Variants in SLC17A9 observed in about 807,000 individuals in gnomAD.
The protein encoded by SLC17A9 is voltage-gated purine nucleotide uniporter SLC17A9.
In SLC17A9, 49 loss-of-function variants were observed where a neutral mutation model predicts 55.0. The ratio of observed to expected loss-of-function variants is 0.89; its 90% CI spans 0.71 to 1.13. The LOEUF is 1.13. Among genes scored for constraint, SLC17A9 ranks in the 50% most tolerant of loss-of-function variants. SLC17A9 has a pLI of 0.00. For synonymous variants in SLC17A9, 256 were observed against 247.4 expected (o/e 1.03, Z -0.32); for missense variants, 526 against 569.3 (o/e 0.92, Z 0.77).
At chr20:62,960,653 C>A (rs1268888242) in intron 4 of SLC17A9, 50 bp downstream of exon 4, 4 of 1,547,406 alleles carry the variant, frequency 2.6e-6, no homozygotes, top group Admixed American at 1.9e-5. Flanking sequence ...AGGTGAGCCC[C>A]TTGCCGAGTG....
In SLC17A9 at chr20:62,958,575, C is replaced by G. The variant is rs999058152; in HGVS notation, c.397+995C>G. On this transcript the variant is annotated intron_variant, in intron 3 of 12. Transcript: ENST00000370351. This position sits in a 1 kb window ranked among gnomAD's most constrained non-coding sequence, Gnocchi z 4.1. ...TTCCCTGCCTGGGCCACTCCTCCCC[C>G]AGTGTCCTGGGCCATCCAGACCCCC... 7.9e-5 allele frequency among the ~76,000 whole-genome samples: 12 copies of G among 152,086 alleles called. No individual in the cohort carries two copies. Among genetic ancestry groups the G allele is most frequent in the Non-Finnish European group, 1.5e-4 (10 of 67,984 alleles).
chr20:62,963,042 G>A lies in SLC17A9; in HGVS notation c.629-231G>A, dbSNP rs919561617. ...CAGCCGAGTCTTTGGGTGGCCAGGG[G>A]GCTCTGGAGGAGGCCGTGTGGAGGG... is the stretch of plus-strand genomic sequence containing the variant. On this transcript the variant is annotated intron_variant, in intron 5 of 12. Transcript: ENST00000370351. The A allele has an allele frequency of 1.3e-5, 8 of 632,724 alleles. 1 individual carries two copies. The African/African-American group carries it at 1.3e-4, about 10-fold the overall frequency. The allele number at this position is 632,724 out of a possible 1,614,324, so 39.2% of individuals were successfully genotyped here.
At chr20:62,957,685 T>C in intron 3 of SLC17A9, 105 bp downstream of exon 3, 1 of 1,014,928 alleles carries the variant, frequency 9.9e-7, no homozygotes, top group Non-Finnish European at 1.3e-6. Context: ...ATGCAGGTGG[T>C]GTACAAGTGT....
intron 6 of SLC17A9, 29 bp from the exon 7 acceptor site, chr20:62,963,555 G>C (rs755222756): frequency 6.4e-7 from 1 of 1,571,596 alleles, no homozygotes; most frequent in Admixed American, 1.9e-5. Context: ...TGCGGCACCA[G>C]AGTCACGGTC....
At chr20:62,963,902 C>G in intron 7 of SLC17A9, 1 of 598,640 alleles carries the variant, frequency 1.7e-6, no homozygotes, top group Non-Finnish European at 3.0e-6. Flanking sequence ...CGCTCGGTGC[C>G]TTCCTGCTGC....
At position 62,956,911 on chromosome 20, in the gene SLC17A9, T is replaced by G. The variant is rs755859630; in HGVS notation, c.206T>G (p.Phe69Cys). 6.2e-6 allele frequency: 10 copies of G among 1,613,644 alleles called. No homozygotes were observed. The highest frequency in any genetic ancestry group is 7.6e-6 in the Non-Finnish European group (9 of 1,180,014). ...KKEAGIVLSSFFWGYCLTQVV... is the reference protein window; with the variant it reads ...KKEAGIVLSSCFWGYCLTQVV... ...GAGGCCGGCATCGTGCTCAGCAGCT[T>G]CTTCTGGGGCTACTGCCTGACACAG... Residue 69 changes from phenylalanine (F) to cysteine (C), a missense_variant, in exon 2 of 13, where the codon TTC becomes TGC. Phe to Cys is a radical substitution (Grantham distance 205, BLOSUM62 -2). Transcript: ENST00000370351.
intron 8 of SLC17A9, 55 bp from the exon 9 acceptor site, chr20:62,965,077 G>C (rs2065623024): frequency 1.9e-6 from 3 of 1,606,634 alleles, no homozygotes; most frequent in Non-Finnish European, 2.6e-6. Context: ...GACCCCCTCT[G>C]GGGTGTCAGC....
intron 7 of SLC17A9, 35 bp from the exon 8 acceptor site, chr20:62,964,193 C>T (rs772091572): frequency 1.2e-6 from 2 of 1,608,806 alleles, no homozygotes; most frequent in Non-Finnish European, 1.7e-6. Context: ...AGATGCCGGC[C>T]CTGGCCCCCT....
intron 1 of SLC17A9, among the ~76,000 whole-genome samples, chr20:62,955,045 C>T (rs1364127586): frequency 6.6e-6 from 1 of 152,150 alleles, no homozygotes; most frequent in Non-Finnish European, 1.5e-5. Flanking sequence ...ACTGCAACCT[C>T]GACCTCCTGG....
In SLC17A9 at chr20:62,963,271, A is replaced by G. The variant is rs1436401338; in HGVS notation, c.629-2A>G. Reference sequence around the variant, plus strand: ...ATCAGTTTGAAACCGTTGCTCCCTCAGATCTCATCCTGGCCTTGGGTGTCC... The same window carrying G: ...ATCAGTTTGAAACCGTTGCTCCCTCGGATCTCATCCTGGCCTTGGGTGTCC... On this transcript the variant is annotated splice_acceptor_variant, in intron 5 of 12. Coordinates refer to ENST00000370351, the MANE Select transcript of SLC17A9 (RefSeq NM_022082.4). LOFTEE classifies it high-confidence loss of function. 1 of 1,613,432 alleles carries G rather than the reference A, an allele frequency of 6.2e-7. No homozygotes were observed. Among genetic ancestry groups the G allele is most frequent in the Non-Finnish European group, 8.5e-7 (1 of 1,180,000 alleles).
At chr20:62,956,693 T>A (rs937906305) in intron 1 of SLC17A9, 72 bp from the exon 2 acceptor site, 9 of 1,407,874 alleles carry the variant, frequency 6.4e-6, no homozygotes, top group Admixed American at 3.9e-5. Context: ...CTGAGGGAGG[T>A]CTCTGAGTGA....
In SLC17A9 at chr20:62,953,417, G is replaced by T. The variant is rs903475437; in HGVS notation, c.59+528G>T. On this transcript the variant is annotated intron_variant, in intron 1 of 12. Coordinates refer to ENST00000370351, the MANE Select transcript of SLC17A9 (RefSeq NM_022082.4). The stretch of plus-strand genomic sequence containing the variant: ...GTGGGGAGAAGCAGGGCCTGGGCAG[G>T]TCGCCTGGCCACCAGCACTGCTGCC... 10 of 1,007,302 alleles carry T rather than the reference G, an allele frequency of 9.9e-6. No individual in the cohort carries two copies. In the African/African-American group the frequency reaches 1.6e-4, roughly 16 times the overall value. The allele number at this position is 1,007,302 out of a possible 1,614,324, so 62.4% of individuals were successfully genotyped here.
intron 12 of SLC17A9, 80 bp from the exon 13 acceptor site, chr20:62,967,257 C>A: frequency 6.5e-7 from 1 of 1,541,524 alleles, no homozygotes; most frequent in Non-Finnish European, 8.9e-7. Flanking sequence ...CTTCCCCTGG[C>A]ACTACCTTGG....
intron 4 of SLC17A9, among the ~76,000 whole-genome samples, chr20:62,961,358 C>T (rs6011496): frequency 0.027 from 4,099 of 150,302 alleles, 228 homozygotes; most frequent in African/African-American, 0.097. Context: ...CAGGGTGGGC[C>T]TATCAGCTGG....
chr20:62,957,121 G>C, intron 2 of SLC17A9, 159 bp downstream of exon 2: 1 of 890,770 alleles, frequency 1.1e-6, no homozygotes. Context: ...AAGGAGCTTC[G>C]TGGACACAGA....
chr20:62,960,737 C>A lies in SLC17A9; in HGVS notation c.497+134C>A, dbSNP rs1400288331. On this transcript the variant is annotated intron_variant, in intron 4 of 12. Transcript: ENST00000370351. ...ATGGTGAGGTGGGTCCCGCAGGCGCCTTTTGGGCTCTGTAGCCCGAGGCTG... is the reference window on the plus strand; with the variant it reads ...ATGGTGAGGTGGGTCCCGCAGGCGCATTTTGGGCTCTGTAGCCCGAGGCTG... 3.8e-6 allele frequency: 3 copies of A among 783,842 alleles called. No homozygotes were observed. In the African/African-American group the frequency reaches 5.2e-5, roughly 14 times the overall value. 48.6% of individuals were successfully genotyped at this position (783,842 alleles called of 1,614,324 possible). A position where few individuals can be genotyped will look rare whatever the true frequency, so the allele number is the denominator to read the frequency against.
At chr20:62,961,730 G>T (rs2065590831) in intron 4 of SLC17A9, among the ~76,000 whole-genome samples, 1 of 152,202 alleles carries the variant, frequency 6.6e-6, no homozygotes, top group Non-Finnish European at 1.5e-5. Flanking sequence ...AACCGGAGGG[G>T]ATATACTTCT....
At chr20:62,957,614 C>G in intron 3 of SLC17A9, 34 bp downstream of exon 3, 1 of 1,492,762 alleles carries the variant, frequency 6.7e-7, no homozygotes, top group Non-Finnish European at 8.9e-7. Flanking sequence ...CTCACGCTCT[C>G]TGGCACCAGG....
chr20:62,963,969 G>C (rs1430477044), intron 7 of SLC17A9: 4 of 598,014 alleles, frequency 6.7e-6, no homozygotes, highest in Admixed American at 3.0e-5. Context: ...CCCGACTTCA[G>C]AGCCTGAGGA....
Sources: gnomAD v4.1 joint callset for allele counts (sites outside exome capture counted in the v4.1 genomes callset) on GRCh38, gnomAD v4.1.1 for gene constraint, Gnocchi (gnomAD v3.1) non-coding constraint, MANE v1.5 for transcripts, NCBI Gene and HGNC (gene_info 2026-07-23, HGNC 2026-07-21) for gene names.